CLTCL1: variants seen among roughly 807,000 people sequenced by gnomAD.
CLTCL1 encodes clathrin heavy chain like 1.
CLTCL1 carries 159 observed loss-of-function variants against 190.0 expected under a neutral mutation model. That is an observed-to-expected ratio of 0.84 (90% confidence interval 0.74 to 0.95). The LOEUF is 0.95. Ranked by LOEUF, CLTCL1 falls within the 40% of genes least tolerant of loss-of-function variation. The pLI, the probability that CLTCL1 is intolerant of heterozygous loss-of-function variation, is 0.00. For synonymous variants in CLTCL1, 752 were observed against 769.6 expected, an observed-to-expected ratio of 0.98 and a Z score of 0.38; for missense variants, 1,878 against 2,033.4, an observed-to-expected ratio of 0.92 and a Z score of 1.47.
At chr22:19,219,805 A>T in intron 18 of CLTCL1, 80 bp downstream of exon 18, 1 of 1,593,212 alleles carries the variant, frequency 6.3e-7, no homozygotes, top group Non-Finnish European at 8.6e-7. Context: ...TAAATTAAAA[A>T]TGAAACCAGT....
chr22:19,286,621 G>T (rs2283647), intron 1 of CLTCL1, among the ~76,000 whole-genome samples: 11,025 of 152,068 alleles, frequency 0.073, 500 homozygotes, highest in East Asian at 0.14. Flanking sequence ...ACACACACGG[G>T]TGTGTGTGGA....
At chr22:19,227,027 C>T (rs1229439121) in intron 11 of CLTCL1, among the ~76,000 whole-genome samples, 3 of 151,986 alleles carry the variant, frequency 2.0e-5, no homozygotes, top group South Asian at 2.1e-4. Flanking sequence ...CGTGAGCCAC[C>T]GTGCCCAGCC....
chr22:19,181,669 G>C (rs2084143334), intron 30 of CLTCL1: 1 of 152,314 alleles, frequency 6.6e-6, no homozygotes, highest in Non-Finnish European at 1.5e-5. Flanking sequence ...AAAGGACTGT[G>C]CTTCTTGTCC....
At chr22:19,273,046 AC>A (rs201258224) in intron 2 of CLTCL1, among the ~76,000 whole-genome samples, 1 of 151,890 alleles carries the variant, frequency 6.6e-6, no homozygotes, top group Admixed American at 6.6e-5. Flanking sequence ...AAGGTGCAGC[AC>A]CCCCCCACAC....
At position 19,235,728 on chromosome 22, in the gene CLTCL1, A is replaced by C. The variant is rs782514121; in HGVS notation, c.937T>G (p.Ser313Ala). The C allele has an allele frequency of 1.2e-5, 19 of 1,613,292 alleles. No homozygotes were observed. Among genetic ancestry groups the C allele is most frequent in the Non-Finnish European group, 1.5e-5 (18 of 1,179,686 alleles). The change falls in exon 6 of 33, where the codon TCT becomes GCT. Residue 313 changes from serine to alanine, a missense_variant. Physicochemically the swap from Ser to Ala is moderately conservative, Grantham distance 99 (BLOSUM62 1). Transcript: ENST00000427926. The stretch of plus-strand genomic sequence containing the variant: ...TTTTTGTTGACACCAATAATTCCAG[A>C]GGTTGGTTTGTGTGGAGCAGTGACA... Reference protein sequence around the residue: ...IFVTAPHKPTSGIIGVNKKGQ... With the variant: ...IFVTAPHKPTAGIIGVNKKGQ...
chr22:19,258,845 C>T lies in CLTCL1; in HGVS notation c.251-4618G>A, dbSNP rs183590623. On this transcript the variant is annotated intron_variant, in intron 2 of 32. Coordinates refer to ENST00000427926, the MANE Select transcript of CLTCL1 (RefSeq NM_007098.4). ...GGGTACCCTTTGGGGAGCAGGAGGC[C>T]AGTAAAAAGTTCACAGGTTAAAAAA... 5.2e-6 allele frequency: 3 copies of T among 579,818 alleles called. No homozygotes were observed. The Admixed American group carries it at 7.2e-5, about 14-fold the overall frequency. 35.9% of individuals were successfully genotyped at this position (579,818 alleles called of 1,614,324 possible).
chr22:19,233,288 C>T lies in CLTCL1; in HGVS notation c.1399G>A (p.Val467Ile), dbSNP rs1555960008. The change falls in exon 9 of 33, where the codon GTC (valine) becomes ATC (isoleucine). Residue 467 changes from valine (V) to isoleucine (I), a missense_variant. Transcript: ENST00000427926. Reference protein sequence around the residue: ...LECSEELGDLVKTTDPMLALS... With the variant: ...LECSEELGDLIKTTDPMLALS... Reference sequence around the variant, plus strand: ...GCGAGCATGGGGTCAGTGGTTTTGACCAAGTCTCCGAGCTCCTCTGAGCAC... The same window carrying T: ...GCGAGCATGGGGTCAGTGGTTTTGATCAAGTCTCCGAGCTCCTCTGAGCAC... 1.2e-6 allele frequency: 2 copies of T among 1,613,762 alleles called. No homozygotes were observed. The highest frequency in any genetic ancestry group is 2.2e-5 in the East Asian group (1 of 44,874).
chr22:19,266,415 G>A (rs944802108), intron 2 of CLTCL1, among the ~76,000 whole-genome samples: 1 of 152,164 alleles, frequency 6.6e-6, no homozygotes, highest in Non-Finnish European at 1.5e-5. Context: ...AGCAAGTAAG[G>A]AAGTTGAATT....
intron 1 of CLTCL1, among the ~76,000 whole-genome samples, chr22:19,289,446 G>T (rs1312540439): frequency 6.6e-6 from 1 of 152,162 alleles, no homozygotes; most frequent in Non-Finnish European, 1.5e-5. Context: ...TTGTAACCTT[G>T]GCAAAAACAG....
At chr22:19,221,712 C>G (rs2085576348) in intron 16 of CLTCL1, 101 bp from the exon 17 acceptor site, 1 of 1,140,232 alleles carries the variant, frequency 8.8e-7, no homozygotes, top group Non-Finnish European at 1.2e-6. Context: ...CAAAAAATCT[C>G]AGAGTCCATT....
At chr22:19,275,544 T>G in intron 2 of CLTCL1, 79 bp downstream of exon 2, 1 of 1,400,362 alleles carries the variant, frequency 7.1e-7, no homozygotes, top group Non-Finnish European at 9.9e-7. Context: ...ATGAGCTTAG[T>G]GACACTTGTT....
intron 11 of CLTCL1, among the ~76,000 whole-genome samples, 166 bp downstream of exon 11, chr22:19,229,672 C>T (rs2085857350): frequency 6.6e-6 from 1 of 152,224 alleles, no homozygotes; most frequent in Admixed American, 6.5e-5. Context: ...ATCATGATTT[C>T]TGGAAAATCC....
intron 22 of CLTCL1, chr22:19,207,420 T>A (rs1404756666): frequency 2.5e-5 from 10 of 396,652 alleles, no homozygotes; most frequent in Non-Finnish European, 8.9e-6. Context: ...AGTCTTCACA[T>A]CTCTTCTAGG....
rs569915815 is a variant in CLTCL1, at chr22:19,219,156, G to GT, written c.2919+728dup. Among the ~76,000 whole-genome samples, 381 of 142,916 alleles carry GT rather than the reference G, an allele frequency of 2.7e-3. 5 individuals are homozygous for GT. The highest frequency in any genetic ancestry group is 0.01 in the African/African-American group (360 of 35,928). 93.8% of individuals were successfully genotyped at this position (142,916 alleles called of 152,430 possible). On this transcript the variant is annotated intron_variant, in intron 18 of 32. Coordinates refer to ENST00000427926, the MANE Select transcript of CLTCL1 (RefSeq NM_007098.4). ...GGAGAAGGTTCGTAAGGACTAAGAT[G>GT]TTTTATTTATTTATTTATTTATTTA...
At position 19,242,545 on chromosome 22, in the gene CLTCL1, C is replaced by T. The variant is rs1016828613; in HGVS notation, c.681+230G>A. The stretch of plus-strand genomic sequence containing the variant: ...TCCTGACCTCGTGATCCACCCTCTT[C>T]GGCCTCCCAAAGTGTTGGATTACAG... On this transcript the variant is annotated intron_variant, in intron 4 of 32. Transcript: ENST00000427926. Among the ~76,000 whole-genome samples the T allele has an allele frequency of 6.9e-4, 105 of 151,412 alleles. 1 individual carries two copies. The highest frequency in any genetic ancestry group is 3.3e-4 in the Non-Finnish European group (22 of 67,654).
intron 2 of CLTCL1, among the ~76,000 whole-genome samples, chr22:19,266,174 G>C (rs1396133016): frequency 6.7e-6 from 1 of 149,914 alleles, no homozygotes; most frequent in Non-Finnish European, 1.5e-5. Flanking sequence ...TGAGCCACCA[G>C]GCCTGACCCA....
At chr22:19,202,425 A>ACCTCCCCCC (rs2084919102) in intron 22 of CLTCL1, among the ~76,000 whole-genome samples, 1 of 150,254 alleles carries the variant, frequency 6.7e-6, no homozygotes, top group Non-Finnish European at 1.5e-5. Flanking sequence ...CACCTCCCGC[A>ACCTCCCCCC]CCACCCCTCC....
At chr22:19,290,568 A>G (rs2088073704) in intron 1 of CLTCL1, among the ~76,000 whole-genome samples, 1 of 152,132 alleles carries the variant, frequency 6.6e-6, no homozygotes, top group South Asian at 2.1e-4. Context: ...GTCACTAACC[A>G]AGTGACCCTG....
chr22:19,222,694 T>C lies in CLTCL1; in HGVS notation c.2408A>G (p.Tyr803Cys), dbSNP rs2145777733. 1.3e-6 allele frequency: 2 copies of C among 1,591,120 alleles called. No homozygotes were observed. Among genetic ancestry groups the C allele is most frequent in the South Asian group, 2.3e-5 (2 of 87,010 alleles). Residue 803 changes from tyrosine to cysteine, a missense_variant, in exon 15 of 33, where the codon TAC (tyrosine) becomes TGC (cysteine). By Grantham distance (194) the Tyr-to-Cys change is radical. Coordinates refer to ENST00000427926, the MANE Select transcript of CLTCL1 (RefSeq NM_007098.4). ...RNNLQRYIEI[Y>C]VQKVNPSRTP... is the part of the protein sequence containing the mutation. ...GGGAGCCAGCAGTACCTTCTGCACGTAGATCTCAATGTACCTCTGCAGGTT... is the reference window on the plus strand; with the variant it reads ...GGGAGCCAGCAGTACCTTCTGCACGCAGATCTCAATGTACCTCTGCAGGTT...
Sources: allele counts gnomAD v4.1 joint callset (sites outside exome capture counted in the v4.1 genomes callset), GRCh38; gene constraint gnomAD v4.1.1; transcripts MANE v1.5; gene names NCBI Gene and HGNC (gene_info 2026-07-23, HGNC 2026-07-21).